MYO16: variants seen among roughly 807,000 people sequenced by gnomAD.
MYO16 encodes the protein myosin XVI.
A neutral mutation model predicts 205.3 loss-of-function variants in MYO16; 94 were observed. The observed-to-expected ratio is 0.46, with a 90% CI of 0.39 to 0.54. MYO16 has a LOEUF of 0.54. Ranked by LOEUF, MYO16 falls within the 20% of genes least tolerant of loss-of-function variation. The probability of loss-of-function intolerance (pLI) is 0.00; values close to 1 mark genes in which losing one functional copy is unlikely to be tolerated. For synonymous variants in MYO16, 988 were observed against 954.0 expected (o/e 1.04, Z -0.66); for missense variants, 2,315 against 2,387.5 (o/e 0.97, Z 0.63).
At chr13:108,616,338 C>A (rs554892823) in intron 1 of MYO16, among the ~76,000 whole-genome samples, 1 of 152,132 alleles carries the variant, frequency 6.6e-6, no homozygotes, top group African/African-American at 2.4e-5. Flanking sequence ...TCTTTCAGAG[C>A]GAAATGCAAT....
chr13:108,598,025 G>T (rs1332000149), intron 1 of MYO16, among the ~76,000 whole-genome samples: 1 of 152,176 alleles, frequency 6.6e-6, no homozygotes, highest in Non-Finnish European at 1.5e-5. Context: ...ATCCACGGCT[G>T]CTCCACTGCT....
intron 1 of MYO16, among the ~76,000 whole-genome samples, chr13:108,610,578 T>C (rs1879136321): frequency 6.6e-6 from 1 of 152,134 alleles, no homozygotes; most frequent in Admixed American, 6.5e-5. Flanking sequence ...ATTGCATGCA[T>C]AGGTGCTGAT....
intron 4 of MYO16, among the ~76,000 whole-genome samples, chr13:108,780,698 G>A (rs527353875): frequency 2.0e-5 from 3 of 152,228 alleles, no homozygotes; most frequent in East Asian, 1.9e-4. Context: ...TTATGAATAC[G>A]TTTCAATAAA....
At position 108,629,700 on chromosome 13, in the gene MYO16, T is replaced by C. The variant is rs533434426; in HGVS notation, c.-145T>C. 3 of 674,992 alleles carry C rather than the reference T, an allele frequency of 4.4e-6. No individual in the cohort carries two copies. Among genetic ancestry groups the C allele is most frequent in the East Asian group, 2.8e-5 (1 of 35,618 alleles). 41.8% of individuals were successfully genotyped at this position (674,992 alleles called of 1,614,324 possible). A position where few individuals can be genotyped will look rare whatever the true frequency, so the allele number is the denominator to read the frequency against. ...GAGTTTGAAGCTTTTTGCAGGATCA[T>C]GGAACAGAGCCTCCATGCAATAGTG... On this transcript the variant is annotated 5_prime_UTR_variant, in exon 1 of 35. The change abolishes an upstream ATG in the 5' untranslated region. Transcript: ENST00000457511.
intron 9 of MYO16, among the ~76,000 whole-genome samples, chr13:108,834,019 T>C (rs1001489278): frequency 6.6e-6 from 1 of 152,090 alleles, no homozygotes; most frequent in African/African-American, 2.4e-5. Flanking sequence ...TCTTGTTGAA[T>C]AAAATTTGGA....
At chr13:108,888,303 A>G in intron 13 of MYO16, 69 bp from the exon 14 acceptor site, 1 of 1,083,034 alleles carries the variant, frequency 9.2e-7, no homozygotes, top group Non-Finnish European at 1.3e-6. Flanking sequence ...GTAGTTTCAA[A>G]GGAACAAAGG....
chr13:109,108,300 A>C (rs899318761), intron 28 of MYO16, among the ~76,000 whole-genome samples: 9 of 152,222 alleles, frequency 5.9e-5, no homozygotes, highest in Non-Finnish European at 8.8e-5. Context: ...ACTGATGACC[A>C]CATCTTCCCT....
At chr13:108,789,046 T>C (rs1886539970) in intron 5 of MYO16, among the ~76,000 whole-genome samples, 1 of 152,210 alleles carries the variant, frequency 6.6e-6, no homozygotes, top group Admixed American at 6.5e-5. Flanking sequence ...TTCTCAAGAA[T>C]ATCCTTGTAG....
chr13:108,844,459 A>G lies in MYO16; in HGVS notation c.1214A>G (p.Asn405Ser), dbSNP rs1204660857. 2 of 1,611,024 alleles carry G rather than the reference A, an allele frequency of 1.2e-6. No individual in the cohort carries two copies. The highest frequency in any genetic ancestry group is 3.3e-5 in the Admixed American group (2 of 59,848). Residue 405 changes from asparagine to serine, a missense_variant, in exon 10 of 35, where the codon AAC becomes AGC. Coordinates refer to ENST00000457511, the MANE Select transcript of MYO16 (RefSeq NM_001198950.3). ...KQQSQDSIPE[N>S]PMMSGSTKPE... ...CAGTCTCAGGACAGCATCCCTGAAA[A>G]CCCCATGATGAGCGGTTCCACCAAA...
chr13:108,630,754 A>G (rs2139354109), intron 1 of MYO16, among the ~76,000 whole-genome samples: 1 of 152,340 alleles, frequency 6.6e-6, no homozygotes, highest in Non-Finnish European at 1.5e-5. Flanking sequence ...GAAGCAGCAT[A>G]TTAAGGGAAC....
chr13:108,754,959 TAG>T (rs950232966), intron 4 of MYO16, among the ~76,000 whole-genome samples: 1 of 151,124 alleles, frequency 6.6e-6, no homozygotes, highest in African/African-American at 2.5e-5. Flanking sequence ...GATGAATATA[TAG>T]AGAGAGAGAC....
At chr13:108,801,097 T>C (rs7322699) in intron 6 of MYO16, among the ~76,000 whole-genome samples, 98,638 of 152,054 alleles carry the variant, frequency 0.65, 33,505 homozygotes, top group East Asian at 0.77. Context: ...TGCAACAGGT[T>C]TCCCAAAATT....
At chr13:108,671,318 C>T (rs1348825167) in intron 2 of MYO16, among the ~76,000 whole-genome samples, 1 of 152,176 alleles carries the variant, frequency 6.6e-6, no homozygotes, top group East Asian at 1.9e-4. Context: ...GTTTTGCATG[C>T]TTTCTCTGTG....
rs1875903120 is a variant in MYO16 at position 108,820,394 on chromosome 13, A to C, written c.925A>C (p.Asn309His). The C allele has an allele frequency of 6.2e-7, 1 of 1,606,654 alleles. No individual in the cohort carries two copies. Among genetic ancestry groups the C allele is most frequent in the African/African-American group, 1.3e-5 (1 of 74,570 alleles). Residue 309 changes from asparagine (N) to histidine (H), a missense_variant, in exon 8 of 35, where the codon AAT (asparagine) becomes CAT (histidine). This residue lies in a region of MYO16 where 1,213 missense variants were observed against 1,274.4 expected (regional missense o/e 0.95). Transcript: ENST00000457511. ...HQANPHLVNCNEEKASDIAAS... is the reference protein window; with the variant it reads ...HQANPHLVNCHEEKASDIAAS... ...GGCAAACCCACACCTCGTGAACTGT[A>C]ATGAGGAGAAGGCGTCAGGTAGGTT... is the stretch of plus-strand genomic sequence containing the variant.
intron 28 of MYO16, among the ~76,000 whole-genome samples, chr13:109,113,081 T>C (rs1875482789): frequency 6.6e-6 from 1 of 152,214 alleles, no homozygotes; most frequent in Non-Finnish European, 1.5e-5. Context: ...AGATACACAC[T>C]AAACAGGAGA....
intron 17 of MYO16, 144 bp downstream of exon 17, chr13:108,957,943 A>C: frequency 3.1e-6 from 2 of 636,868 alleles, no homozygotes; most frequent in Non-Finnish European, 5.6e-6. Context: ...AACAAGCCCC[A>C]ATCCCTGCCT....
chr13:109,204,418 G>A lies in MYO16; in HGVS notation c.5416-2191G>A, dbSNP rs111301150. ...ATGAATGTTCCATGTCCACACTAAT[G>A]AGACTGAAGGGAATGTAACCAGCAC... On this transcript the variant is annotated intron_variant, in intron 34 of 34. Coordinates refer to ENST00000457511, the MANE Select transcript of MYO16 (RefSeq NM_001198950.3). Among the ~76,000 whole-genome samples, 825 of 152,280 alleles carry A rather than the reference G, an allele frequency of 5.4e-3. 9 individuals are homozygous for A. Among genetic ancestry groups the A allele is most frequent in the African/African-American group, 0.018 (764 of 41,544 alleles).
At chr13:108,971,575 G>T (rs967800357) in intron 20 of MYO16, among the ~76,000 whole-genome samples, 1 of 151,004 alleles carries the variant, frequency 6.6e-6, no homozygotes, top group African/African-American at 2.4e-5. Context: ...TATTAATAAT[G>T]TTAAATATTA....
chr13:108,554,481 T>G, the MYO16 span, among the ~76,000 whole-genome samples: 1 of 152,312 alleles, frequency 6.6e-6, no homozygotes, highest in Non-Finnish European at 1.5e-5. Flanking sequence ...TCTTGTCCAC[T>G]TATGCACAGA....
Sources: allele counts gnomAD v4.1 joint callset (sites outside exome capture counted in the v4.1 genomes callset), GRCh38; gene constraint gnomAD v4.1.1; regional missense constraint gnomAD v4.1.1; transcripts MANE v1.5; gene names NCBI Gene and HGNC (gene_info 2026-07-23, HGNC 2026-07-21).